The following SLC25A21 variants were observed in gnomAD, a reference collection of about 807,000 sequenced individuals.
SLC25A21 encodes solute carrier family 25 member 21, also known as mitochondrial 2-oxodicarboxylate carrier.
A neutral mutation model predicts 43.8 loss-of-function variants in SLC25A21; 47 were observed. The ratio of observed to expected loss-of-function variants is 1.07; its 90% confidence interval spans 0.85 to 1.37. SLC25A21 has a LOEUF of 1.37. Among genes scored for constraint, SLC25A21 ranks in the 40% most tolerant of loss-of-function variants. SLC25A21 has a pLI of 0.00. For missense variants in SLC25A21, 352 were observed against 350.2 expected (o/e 1.00, Z -0.04); for synonymous variants, 131 against 121.3 (o/e 1.08, Z -0.52).
chr14:36,768,731 G>A (rs1886505352), intron 3 of SLC25A21, among the ~76,000 whole-genome samples: 1 of 152,068 alleles, frequency 6.6e-6, no homozygotes, highest in South Asian at 2.1e-4. Context: ...ATATTATAAG[G>A]TTGTTTAGAA....
chr14:36,954,077 A>T (rs1162105273), intron 1 of SLC25A21, among the ~76,000 whole-genome samples: 1 of 152,206 alleles, frequency 6.6e-6, no homozygotes, highest in East Asian at 1.9e-4. Flanking sequence ...ACTGGTGGCC[A>T]CAACCAAACT....
At chr14:37,124,547 C>CTATAATGAT (rs1207071089) in intron 1 of SLC25A21, among the ~76,000 whole-genome samples, 2 of 152,166 alleles carry the variant, frequency 1.3e-5, no homozygotes, top group Non-Finnish European at 2.9e-5. Context: ...TGTGGCTGTG[C>CTATAATGAT]TATAATGATT....
At chr14:36,914,249 C>T (rs928252406) in intron 1 of SLC25A21, among the ~76,000 whole-genome samples, 5 of 152,140 alleles carry the variant, frequency 3.3e-5, no homozygotes, top group Admixed American at 6.6e-5. Context: ...ATAAATGATT[C>T]GTCAGTGCTT....
At chr14:36,847,379 C>A (rs1889579687) in intron 2 of SLC25A21, among the ~76,000 whole-genome samples, 1 of 152,184 alleles carries the variant, frequency 6.6e-6, no homozygotes, top group Non-Finnish European at 1.5e-5. Flanking sequence ...CAGTTACTGG[C>A]CCTAACAGTC....
At chr14:37,147,280 A>G (rs1963681907) in intron 1 of SLC25A21, among the ~76,000 whole-genome samples, 1 of 152,246 alleles carries the variant, frequency 6.6e-6, no homozygotes, top group Non-Finnish European at 1.5e-5. Context: ...AACAGACACA[A>G]TTGCAATGAC....
chr14:36,917,768 T>C (rs1307776902), intron 1 of SLC25A21, among the ~76,000 whole-genome samples: 1 of 152,002 alleles, frequency 6.6e-6, no homozygotes, highest in Admixed American at 6.6e-5. Context: ...ATAATGCAAA[T>C]CATACAAAAA....
intron 9 of SLC25A21, among the ~76,000 whole-genome samples, 182 bp downstream of exon 9, chr14:36,683,646 A>G (rs1420725483): frequency 1.3e-5 from 2 of 152,186 alleles, no homozygotes; most frequent in East Asian, 3.9e-4. Context: ...TTAATAAACA[A>G]AGGTAGAACA....
intron 7 of SLC25A21, among the ~76,000 whole-genome samples, chr14:36,709,016 T>C (rs199752231): frequency 6.1e-5 from 9 of 147,686 alleles, no homozygotes; most frequent in Non-Finnish European, 1.3e-4. Flanking sequence ...CTTTTTTTTT[T>C]TGTTTTTTTG....
chr14:36,782,050 T>C (rs1887082656), intron 3 of SLC25A21, among the ~76,000 whole-genome samples: 1 of 152,194 alleles, frequency 6.6e-6, no homozygotes, highest in Non-Finnish European at 1.5e-5. Flanking sequence ...TTTGACTACA[T>C]CATCCCACTC....
At chr14:36,687,821 T>G (rs1882621861) in intron 7 of SLC25A21, among the ~76,000 whole-genome samples, 1 of 152,218 alleles carries the variant, frequency 6.6e-6, no homozygotes, top group Non-Finnish European at 1.5e-5. Flanking sequence ...CTTTACCAAG[T>G]CTTGCTTCCT....
At chr14:36,979,011 C>T (rs1959948200) in intron 1 of SLC25A21, among the ~76,000 whole-genome samples, 1 of 152,114 alleles carries the variant, frequency 6.6e-6, no homozygotes, top group Non-Finnish European at 1.5e-5. Context: ...TCACCTGGGC[C>T]CAGAAGGTTG....
intron 3 of SLC25A21, among the ~76,000 whole-genome samples, chr14:36,748,894 A>G (rs376488834): frequency 7.8e-4 from 119 of 152,286 alleles, no homozygotes; most frequent in African/African-American, 2.8e-3. Context: ...TATTCTCCAG[A>G]TCAGTGTTAA....
At chr14:36,936,703 G>A (rs12896722) in intron 1 of SLC25A21, among the ~76,000 whole-genome samples, 1 of 151,926 alleles carries the variant, frequency 6.6e-6, no homozygotes, top group East Asian at 1.9e-4. Flanking sequence ...ATAAGTAAAC[G>A]TATTGGGGTT....
intron 1 of SLC25A21, among the ~76,000 whole-genome samples, chr14:37,159,612 A>T (rs1322648717): frequency 1.3e-5 from 2 of 152,214 alleles, no homozygotes; most frequent in African/African-American, 2.4e-5. Context: ...ACGACCCAAA[A>T]CTATAAAAAT....
intron 2 of SLC25A21, among the ~76,000 whole-genome samples, chr14:36,868,353 AG>A (rs939908295): frequency 1.3e-5 from 2 of 152,146 alleles, no homozygotes; most frequent in Non-Finnish European, 2.9e-5. Context: ...AGGTTCTCAA[AG>A]GAGACCTTGA....
chr14:37,040,185 G>C (rs557259420), intron 1 of SLC25A21, among the ~76,000 whole-genome samples: 12 of 132,046 alleles, frequency 9.1e-5, no homozygotes, highest in African/African-American at 3.1e-4. Context: ...GGGCAACAGA[G>C]TGAGAATCCA....
intron 3 of SLC25A21, among the ~76,000 whole-genome samples, chr14:36,742,606 C>A (rs1007681998): frequency 2.6e-5 from 4 of 152,034 alleles, no homozygotes; most frequent in African/African-American, 7.3e-5. Flanking sequence ...GAGGGAAAAC[C>A]ACATATCTTT....
chr14:36,868,487 G>A (rs1890274954), intron 2 of SLC25A21, among the ~76,000 whole-genome samples: 1 of 152,072 alleles, frequency 6.6e-6, no homozygotes, highest in Non-Finnish European at 1.5e-5. Flanking sequence ...GTCTATCCCT[G>A]GTGACATATT....
intron 3 of SLC25A21, among the ~76,000 whole-genome samples, chr14:36,769,298 T>A (rs1886532681): frequency 6.6e-6 from 1 of 152,240 alleles, no homozygotes; most frequent in Non-Finnish European, 1.5e-5. Flanking sequence ...ATTTTCTCCC[T>A]CTGGGAATTG....
Sources: allele counts gnomAD v4.1 joint callset (sites outside exome capture counted in the v4.1 genomes callset), GRCh38; gene constraint gnomAD v4.1.1; transcripts MANE v1.5; gene names NCBI Gene and HGNC (gene_info 2026-07-23, HGNC 2026-07-21).